The following NCKAP5 variants were observed in gnomAD, a reference collection of about 807,000 sequenced individuals.
NCKAP5 encodes NCK associated protein 5, also known as nck-associated protein 5.
A neutral mutation model predicts 167.0 loss-of-function variants in NCKAP5; 92 were observed. The ratio of observed to expected loss-of-function variants is 0.55; its 90% CI spans 0.47 to 0.66. The LOEUF (loss-of-function observed/expected upper bound fraction) is 0.66, where lower values mean the gene tolerates loss of function less well. Ranked by LOEUF, NCKAP5 falls within the 30% of genes least tolerant of loss-of-function variation. The pLI, the probability that NCKAP5 is intolerant of heterozygous loss-of-function variation, is 0.00. For missense variants in NCKAP5, 2,378 were observed against 2,315.0 expected, an observed-to-expected ratio of 1.03 and a Z score of -0.56; for synonymous variants, 891 against 877.4, an observed-to-expected ratio of 1.02 and a Z score of -0.27.
intron 3 of NCKAP5, among the ~76,000 whole-genome samples, chr2:133,354,143 T>A (rs1421998912): frequency 6.6e-6 from 1 of 152,188 alleles, no homozygotes; most frequent in East Asian, 1.9e-4. Context: ...CACAGCCCTG[T>A]CACACATCTC....
At chr2:133,326,879 T>TC (rs1356054521) in intron 3 of NCKAP5, among the ~76,000 whole-genome samples, 1 of 152,198 alleles carries the variant, frequency 6.6e-6, no homozygotes, top group African/African-American at 2.4e-5. Context: ...CATCTCAGAT[T>TC]CCACTTCAGA....
intron 3 of NCKAP5, among the ~76,000 whole-genome samples, chr2:133,383,380 A>G (rs900996532): frequency 2.0e-5 from 3 of 152,046 alleles, no homozygotes; most frequent in East Asian, 3.8e-4. Context: ...CCATGTCCCT[A>G]CAAAGGACAT....
intron 6 of NCKAP5, among the ~76,000 whole-genome samples, chr2:133,114,174 T>C (rs2082002803): frequency 6.6e-6 from 1 of 152,180 alleles, no homozygotes; most frequent in African/African-American, 2.4e-5. Flanking sequence ...CAAATAAGAG[T>C]AATTGTATTA....
intron 3 of NCKAP5, among the ~76,000 whole-genome samples, chr2:133,448,274 G>C (rs1574973099): frequency 6.6e-6 from 1 of 151,678 alleles, no homozygotes; most frequent in Admixed American, 6.6e-5. Flanking sequence ...GAGGGAGGCG[G>C]GTTGGTGGCC....
chr2:132,740,201 C>A (rs1377470126), intron 16 of NCKAP5, among the ~76,000 whole-genome samples: 1 of 152,158 alleles, frequency 6.6e-6, no homozygotes, highest in Non-Finnish European at 1.5e-5. Flanking sequence ...GCCAAACATA[C>A]AATGAGGCCC....
chr2:133,448,044 A>G (rs1190540880), intron 3 of NCKAP5, among the ~76,000 whole-genome samples: 1 of 152,216 alleles, frequency 6.6e-6, no homozygotes, highest in Non-Finnish European at 1.5e-5. Context: ...GCTAGCAAGA[A>G]GCGCCACACA....
intron 3 of NCKAP5, among the ~76,000 whole-genome samples, chr2:133,356,738 C>T (rs911631440): frequency 6.6e-6 from 1 of 152,182 alleles, no homozygotes; most frequent in Non-Finnish European, 1.5e-5. Context: ...AAGCTAAATA[C>T]TTACACTTTT....
chr2:132,796,912 C>A (rs1489797216), intron 11 of NCKAP5, among the ~76,000 whole-genome samples, 183 bp from the exon 12 acceptor site: 1 of 152,076 alleles, frequency 6.6e-6, no homozygotes, highest in African/African-American at 2.4e-5. Context: ...CGTGTATGTG[C>A]AAATTACATT....
chr2:133,246,452 A>C (rs2087996989), intron 4 of NCKAP5, among the ~76,000 whole-genome samples: 1 of 152,170 alleles, frequency 6.6e-6, no homozygotes, highest in South Asian at 2.1e-4. Context: ...AATAGAAAAA[A>C]AGCAGAAAAC....
chr2:133,028,285 A>T (rs1201680168), intron 6 of NCKAP5, among the ~76,000 whole-genome samples: 5 of 152,222 alleles, frequency 3.3e-5, no homozygotes, highest in African/African-American at 9.6e-5. Flanking sequence ...AAACTTAAAA[A>T]GTGTGGAAAT....
intron 5 of NCKAP5, among the ~76,000 whole-genome samples, chr2:133,184,903 C>A (rs1296259985): frequency 6.6e-6 from 1 of 152,132 alleles, no homozygotes; most frequent in African/African-American, 2.4e-5. Context: ...TATCTTCTCC[C>A]AACATACAGG....
At chr2:133,055,631 A>C (rs959758172) in intron 6 of NCKAP5, among the ~76,000 whole-genome samples, 1 of 152,154 alleles carries the variant, frequency 6.6e-6, no homozygotes, top group Non-Finnish European at 1.5e-5. Context: ...TAATGGGTAT[A>C]GCCAATTTAA....
rs184499599 is a variant in NCKAP5 at position 133,548,915 on chromosome 2, T to A, written c.-62+10135A>T. Among the ~76,000 whole-genome samples the A allele has an allele frequency of 1.3e-3, 195 of 151,982 alleles. 3 individuals carry two copies. The highest frequency in any genetic ancestry group is 0.011 in the Admixed American group (164 of 15,210). Reference sequence around the variant, plus strand: ...AATGTAAATGGACTAAATGCTCCAATTAAAAGACACAGACGGGCAAATTGG... The same window carrying A: ...AATGTAAATGGACTAAATGCTCCAAATAAAAGACACAGACGGGCAAATTGG... On this transcript the variant is annotated intron_variant, in intron 2 of 19. Transcript: ENST00000409261.
At chr2:132,790,555 T>G (rs1574228775) in intron 12 of NCKAP5, among the ~76,000 whole-genome samples, 1 of 152,184 alleles carries the variant, frequency 6.6e-6, no homozygotes, top group African/African-American at 2.4e-5. Context: ...CAGTACAGTA[T>G]CTACTGAATG....
chr2:133,176,875 A>G (rs1022149111), intron 5 of NCKAP5, among the ~76,000 whole-genome samples: 4 of 152,100 alleles, frequency 2.6e-5, no homozygotes, highest in African/African-American at 4.8e-5. Flanking sequence ...CACTTCCCCA[A>G]CTTTAGGGTT....
At chr2:133,634,617 T>C in the NCKAP5 span, among the ~76,000 whole-genome samples, 3 of 152,176 alleles carry the variant, frequency 2.0e-5, no homozygotes, top group East Asian at 1.9e-4. Flanking sequence ...AGAATCCTCA[T>C]TTCTAAATAT....
At chr2:133,350,867 T>A (rs187008790) in intron 3 of NCKAP5, among the ~76,000 whole-genome samples, 48 of 152,168 alleles carry the variant, frequency 3.2e-4, no homozygotes, top group Admixed American at 2.8e-3. Flanking sequence ...ATACTATTTC[T>A]TCCCCCTTCA....
chr2:133,212,130 A>T (rs1229118086), intron 5 of NCKAP5, among the ~76,000 whole-genome samples: 1 of 152,234 alleles, frequency 6.6e-6, no homozygotes, highest in Non-Finnish European at 1.5e-5. Flanking sequence ...TCCCATTTTA[A>T]AGATGAGGAA....
At chr2:132,940,256 T>A (rs756800093) in intron 8 of NCKAP5, among the ~76,000 whole-genome samples, 2 of 152,184 alleles carry the variant, frequency 1.3e-5, no homozygotes, top group Non-Finnish European at 2.9e-5. Context: ...ACTATGCAAC[T>A]AATGTACCAG....
Sources: allele counts gnomAD v4.1 joint callset (sites outside exome capture counted in the v4.1 genomes callset), GRCh38; gene constraint gnomAD v4.1.1; transcripts MANE v1.5; gene names NCBI Gene and HGNC (gene_info 2026-07-23, HGNC 2026-07-21).